Variants in GPC5 observed in about 807,000 individuals in gnomAD.
The protein encoded by GPC5 is glypican 5.
A neutral mutation model predicts 53.9 loss-of-function variants in GPC5; 47 were observed. That is an observed-to-expected ratio of 0.87 (90% CI 0.69 to 1.11). GPC5 has a LOEUF of 1.11. GPC5 is among the 50% of genes most tolerant of loss of function. GPC5 has a pLI of 0.00. For missense variants in GPC5, 748 were observed against 713.1 expected (o/e 1.05, Z -0.56); for synonymous variants, 286 against 263.3 (o/e 1.09, Z -0.84).
At chr13:91,755,576 A>G (rs2140124436) in intron 4 of GPC5, among the ~76,000 whole-genome samples, 1 of 152,268 alleles carries the variant, frequency 6.6e-6, no homozygotes, top group South Asian at 2.1e-4. Flanking sequence ...TTTCTAAATT[A>G]AAACAAAACA....
intron 3 of GPC5, among the ~76,000 whole-genome samples, chr13:91,710,047 G>A (rs2036193511): frequency 6.6e-6 from 1 of 152,132 alleles, no homozygotes; most frequent in Admixed American, 6.5e-5. Flanking sequence ...AGTACATGCA[G>A]TACTTCAGCC....
intron 5 of GPC5, among the ~76,000 whole-genome samples, chr13:91,795,330 A>G (rs556695817): frequency 6.6e-6 from 1 of 152,206 alleles, no homozygotes; most frequent in African/African-American, 2.4e-5. Context: ...GTGAAATCGC[A>G]TTAAAGGATT....
intron 4 of GPC5, among the ~76,000 whole-genome samples, chr13:91,743,678 G>A (rs371952368): frequency 6.6e-6 from 1 of 152,058 alleles, no homozygotes. Flanking sequence ...AGAAAAAATT[G>A]TGTCTCTAGA....
Position 92,138,870 on chromosome 13 carries a change from C to T in GPC5, c.1402-5960C>T, listed in dbSNP as rs927900901. 1.5e-4 allele frequency among the ~76,000 whole-genome samples: 23 copies of T among 151,974 alleles called. 1 individual carries two copies. Among genetic ancestry groups the T allele is most frequent in the Non-Finnish European group, 2.9e-5 (2 of 68,012 alleles). On this transcript the variant is annotated intron_variant, in intron 6 of 7. Transcript: ENST00000377067. Reference sequence around the variant, plus strand: ...GAAAGAATAGGGGAGGACTTCCTTACCTGATATCTCAGATCATGAAGCTAC... The same window carrying T: ...GAAAGAATAGGGGAGGACTTCCTTATCTGATATCTCAGATCATGAAGCTAC...
intron 2 of GPC5, among the ~76,000 whole-genome samples, chr13:91,625,232 A>C (rs1049155876): frequency 6.6e-6 from 1 of 151,854 alleles, no homozygotes; most frequent in African/African-American, 2.4e-5. Flanking sequence ...AAAAAAATCA[A>C]TAACACTCCT....
intron 1 of GPC5, among the ~76,000 whole-genome samples, chr13:91,413,792 T>C (rs1877987453): frequency 6.6e-6 from 1 of 152,212 alleles, no homozygotes; most frequent in Admixed American, 6.5e-5. Context: ...TAACTTTGCG[T>C]GCTCTTTCTC....
chr13:92,479,923 AT>A (rs911375484), intron 7 of GPC5, among the ~76,000 whole-genome samples: 8 of 152,206 alleles, frequency 5.3e-5, no homozygotes, highest in African/African-American at 1.9e-4. Flanking sequence ...CTGGTCAAAA[AT>A]TTTAAAAGTA....
chr13:91,711,848 G>C (rs1264041568), intron 3 of GPC5, among the ~76,000 whole-genome samples: 1 of 152,172 alleles, frequency 6.6e-6, no homozygotes. Context: ...ATGTTGAAGG[G>C]AATGTGGCCT....
chr13:92,034,218 AG>A (rs1182985154), intron 6 of GPC5, among the ~76,000 whole-genome samples: 1 of 152,224 alleles, frequency 6.6e-6, no homozygotes, highest in African/African-American at 2.4e-5. Context: ...AAAGCAGGCC[AG>A]GTGCAGCGGC....
chr13:91,731,939 C>T (rs547802768), intron 4 of GPC5, among the ~76,000 whole-genome samples: 13 of 152,250 alleles, frequency 8.5e-5, no homozygotes, highest in African/African-American at 2.9e-4. Context: ...AATTGATGGA[C>T]ATTTGTATAT....
intron 5 of GPC5, among the ~76,000 whole-genome samples, chr13:91,888,743 T>G (rs1165252401): frequency 1.3e-5 from 2 of 152,188 alleles, no homozygotes. Context: ...GGCCCGTTGG[T>G]ATGATGCAAG....
At chr13:91,897,359 G>GTA (rs2039453439) in intron 5 of GPC5, among the ~76,000 whole-genome samples, 3 of 140,986 alleles carry the variant, frequency 2.1e-5, no homozygotes, top group Admixed American at 7.3e-5. Context: ...GTGTGTGTGT[G>GTA]TGTGTGTGTG....
At chr13:92,641,426 C>T (rs781451523) in intron 7 of GPC5, among the ~76,000 whole-genome samples, 1 of 151,932 alleles carries the variant, frequency 6.6e-6, no homozygotes, top group African/African-American at 2.4e-5. Flanking sequence ...GGCAGAGAAA[C>T]GCTGATAGAA....
chr13:91,833,691 C>T (rs1399439667), intron 5 of GPC5, among the ~76,000 whole-genome samples: 3 of 151,982 alleles, frequency 2.0e-5, no homozygotes, highest in Non-Finnish European at 4.4e-5. Context: ...AAATTCAATA[C>T]CCCTTCATGC....
Position 92,546,803 on chromosome 13 carries a change from C to G in GPC5, c.1562-319479C>G, listed in dbSNP as rs532965414. 1.9e-3 allele frequency among the ~76,000 whole-genome samples: 296 copies of G among 152,300 alleles called. 2 individuals carry two copies. Among genetic ancestry groups the G allele is most frequent in the African/African-American group, 6.8e-3 (282 of 41,556 alleles). ...CTACAGTAACCAAAACAGCATGGTA[C>G]TGCTACCAAAACAGAGATATAGACC... On this transcript the variant is annotated intron_variant, in intron 7 of 7. Transcript: ENST00000377067.
chr13:91,583,463 A>G (rs2032446361), intron 2 of GPC5, among the ~76,000 whole-genome samples: 3 of 152,220 alleles, frequency 2.0e-5, no homozygotes, highest in South Asian at 4.1e-4. Flanking sequence ...TAATATTTAA[A>G]AGAGACATGT....
intron 7 of GPC5, among the ~76,000 whole-genome samples, chr13:92,322,644 A>G (rs2043223875): frequency 6.6e-6 from 1 of 152,198 alleles, no homozygotes. Context: ...TAAATTTATT[A>G]ACATTTTAAT....
rs555221287 is a variant in GPC5, at chr13:92,024,593, C to T, written c.1401+116536C>T. The stretch of plus-strand genomic sequence containing the variant: ...GCATGCAATACTGTCATGACTCTCT[C>T]TCTGTTTTTAGAGTGGTATATTAAG... On this transcript the variant is annotated intron_variant, in intron 6 of 7. Coordinates refer to ENST00000377067, the MANE Select transcript of GPC5 (RefSeq NM_004466.6). Among the ~76,000 whole-genome samples the T allele has an allele frequency of 3.1e-3, 465 of 152,242 alleles. 5 individuals are homozygous for T. The highest frequency in any genetic ancestry group is 5.1e-3 in the Non-Finnish European group (344 of 67,984).
At chr13:92,239,747 A>T (rs1398312461) in intron 7 of GPC5, 1 of 69,890 alleles carries the variant, frequency 1.4e-5, no homozygotes, top group African/African-American at 5.1e-5. Flanking sequence ...ATTGTACATG[A>T]GGTCCATTAT....
Sources: allele counts gnomAD v4.1 joint callset (sites outside exome capture counted in the v4.1 genomes callset), GRCh38; gene constraint gnomAD v4.1.1; transcripts MANE v1.5; gene names NCBI Gene and HGNC (gene_info 2026-07-23, HGNC 2026-07-21).